ULK4: variants seen among roughly 807,000 people sequenced by gnomAD.
ULK4 encodes inactive serine/threonine-protein kinase ULK4.
ULK4 carries 133 observed loss-of-function variants against 160.6 expected under a neutral mutation model. That is an observed-to-expected ratio of 0.83 (90% CI 0.72 to 0.96). ULK4 has a LOEUF of 0.96. ULK4 is among the 40% of genes least tolerant of loss of function. ULK4 has a pLI of 0.00. For missense variants in ULK4, 1,580 were observed against 1,499.5 expected (o/e 1.05, Z -0.89); for synonymous variants, 534 against 539.8 (o/e 0.99, Z 0.15).
chr3:41,760,026 GAA>G, intron 21 of ULK4, among the ~76,000 whole-genome samples: 1 of 152,046 alleles, frequency 6.6e-6, no homozygotes, highest in South Asian at 2.1e-4. Flanking sequence ...GACACTGTAA[GAA>G]AAGACAAGCC....
intron 32 of ULK4, among the ~76,000 whole-genome samples, chr3:41,504,927 A>G (rs1255718385): frequency 6.6e-6 from 1 of 152,178 alleles, no homozygotes; most frequent in African/African-American, 2.4e-5. Flanking sequence ...TGACATCTAT[A>G]TACCAATATT....
intron 30 of ULK4, among the ~76,000 whole-genome samples, chr3:41,643,765 C>T (rs530917982): frequency 3.9e-5 from 6 of 152,150 alleles, no homozygotes; most frequent in Admixed American, 3.9e-4. Flanking sequence ...GGCATTGAAT[C>T]TATAAATTAC....
rs1278477381 is a variant in ULK4 at position 41,637,794 on chromosome 3, A to G, written c.3072-22077T>C. On this transcript the variant is annotated intron_variant, in intron 30 of 36. Transcript: ENST00000301831. ...ATCTGCATTTCCCTGATGATTAGTA[A>G]TAGTGAGCATTTCTTCATAGATCTG... Among the ~76,000 whole-genome samples the G allele has an allele frequency of 2.0e-5, 3 of 152,182 alleles. No homozygotes were observed. In the East Asian group the frequency reaches 5.8e-4, roughly 29 times the overall value.
intron 18 of ULK4, among the ~76,000 whole-genome samples, chr3:41,825,157 C>T (rs1262296484): frequency 6.6e-6 from 1 of 152,116 alleles, no homozygotes; most frequent in Admixed American, 6.5e-5. Context: ...ACCAAAACCC[C>T]ATCTGTACAT....
At chr3:41,835,780 AAACTTTTATAG>A in intron 18 of ULK4, 73 bp downstream of exon 18, 1 of 1,066,776 alleles carries the variant, frequency 9.4e-7, no homozygotes, top group Non-Finnish European at 1.4e-6. Context: ...CAAAATCAAA[AAACTTTTATAG>A]GATATTAATA....
intron 30 of ULK4, among the ~76,000 whole-genome samples, chr3:41,615,977 G>C (rs759887602): frequency 1.3e-5 from 2 of 152,072 alleles, no homozygotes; most frequent in Non-Finnish European, 2.9e-5. Context: ...TTTTAATGCA[G>C]GGATTAAAAT....
rs948836777 is a variant in ULK4, at chr3:41,954,813, A to G, written c.-48-6T>C. ...AATAACAGCATCTCTAGCTCCTAAG[A>G]AGTAAACAAAAATGACATTGATAAA... On this transcript the variant is annotated splice_polypyrimidine_tract_variant and splice_region_variant and intron_variant, in intron 1 of 36. Coordinates refer to ENST00000301831, the MANE Select transcript of ULK4 (RefSeq NM_017886.4). The G allele has an allele frequency of 1.3e-6, 2 of 1,517,244 alleles. No homozygotes were observed. Among genetic ancestry groups the G allele is most frequent in the Non-Finnish European group, 1.8e-6 (2 of 1,125,950 alleles). The allele number at this position is 1,517,244 out of a possible 1,614,324, so 94.0% of individuals were successfully genotyped here.
chr3:41,256,203 T>G (rs918559904), intron 35 of ULK4, among the ~76,000 whole-genome samples: 1 of 152,254 alleles, frequency 6.6e-6, no homozygotes, highest in Non-Finnish European at 1.5e-5. Flanking sequence ...CTATTGCTTC[T>G]TGGCCTTTTG....
At chr3:41,549,701 A>T (rs1335754640) in intron 32 of ULK4, among the ~76,000 whole-genome samples, 3 of 152,118 alleles carry the variant, frequency 2.0e-5, no homozygotes, top group African/African-American at 7.2e-5. Context: ...AAATATTGCC[A>T]ATCAGATACA....
At chr3:41,448,581 G>A (rs1461756632) in intron 34 of ULK4, among the ~76,000 whole-genome samples, 1 of 152,196 alleles carries the variant, frequency 6.6e-6, no homozygotes, top group East Asian at 1.9e-4. Flanking sequence ...CTGTACCATG[G>A]AGAAGACAGT....
At chr3:41,324,391 C>T (rs1196413932) in intron 35 of ULK4, among the ~76,000 whole-genome samples, 2 of 152,218 alleles carry the variant, frequency 1.3e-5, no homozygotes, top group African/African-American at 4.8e-5. Flanking sequence ...CTACTCTGCA[C>T]AGAGCTATAC....
intron 21 of ULK4, among the ~76,000 whole-genome samples, chr3:41,756,967 TAGAA>T (rs574588850): frequency 1.8e-4 from 27 of 152,092 alleles, no homozygotes; most frequent in African/African-American, 2.9e-4. Context: ...CGTAAATAAT[TAGAA>T]AGAACAAAAT....
intron 32 of ULK4, among the ~76,000 whole-genome samples, chr3:41,486,579 T>C (rs2084543076): frequency 1.3e-5 from 2 of 152,054 alleles, no homozygotes; most frequent in Non-Finnish European, 2.9e-5. Context: ...AGCATGGAGG[T>C]AGATGGCCTA....
chr3:41,458,971 C>T (rs1425739469), intron 33 of ULK4, among the ~76,000 whole-genome samples: 1 of 151,328 alleles, frequency 6.6e-6, no homozygotes, highest in Admixed American at 6.6e-5. Flanking sequence ...GGCCAGGCTG[C>T]TCTCAAACTC....
chr3:41,451,409 C>G (rs1449077052), intron 34 of ULK4, among the ~76,000 whole-genome samples: 4 of 151,346 alleles, frequency 2.6e-5, no homozygotes, highest in Non-Finnish European at 4.4e-5. Flanking sequence ...AGGGACTATT[C>G]CAACAAATCA....
chr3:41,666,018 A>G (rs1362716843), intron 29 of ULK4, among the ~76,000 whole-genome samples: 1 of 152,244 alleles, frequency 6.6e-6, no homozygotes, highest in East Asian at 1.9e-4. Flanking sequence ...AAAGACCAGG[A>G]CAAGCTTCCA....
At position 41,517,936 on chromosome 3, in the gene ULK4, A is replaced by G. The variant is rs1285573278; in HGVS notation, c.3226+48089T>C. ...ACATTTGCACCAACTTAATATTAAG[A>G]ATACTCCTACTCTAAATATTCCATG... On this transcript the variant is annotated intron_variant, in intron 32 of 36. Transcript: ENST00000301831. Among the ~76,000 whole-genome samples the G allele has an allele frequency of 3.3e-5, 5 of 152,226 alleles. No individual in the cohort carries two copies. In the East Asian group the frequency reaches 9.6e-4, roughly 29 times the overall value.
intron 2 of ULK4, among the ~76,000 whole-genome samples, chr3:41,954,105 G>A (rs1241517636): frequency 2.0e-5 from 3 of 150,568 alleles, no homozygotes; most frequent in Non-Finnish European, 4.4e-5. Flanking sequence ...GTGAACCCGG[G>A]AGGCACAGTG....
rs1402815025 is a variant in ULK4 at position 41,565,937 on chromosome 3, T to C, written c.3226+88A>G. On this transcript the variant is annotated intron_variant, in intron 32 of 36. Transcript: ENST00000301831. ...CTTATCTATTTTGACTCATCAACTTTAAGTGGTACTTCTAGACTCCACGCT... is the reference window on the plus strand; with the variant it reads ...CTTATCTATTTTGACTCATCAACTTCAAGTGGTACTTCTAGACTCCACGCT... 5.4e-6 allele frequency: 5 copies of C among 919,966 alleles called. No individual in the cohort carries two copies. The East Asian group carries it at 1.1e-4, about 20-fold the overall frequency. 57.0% of individuals were successfully genotyped at this position (919,966 alleles called of 1,614,324 possible).
Sources: allele counts gnomAD v4.1 joint callset (sites outside exome capture counted in the v4.1 genomes callset), GRCh38; gene constraint gnomAD v4.1.1; transcripts MANE v1.5; gene names NCBI Gene and HGNC (gene_info 2026-07-23, HGNC 2026-07-21).